PARP8: variants seen among roughly 807,000 people sequenced by gnomAD.
PARP8 encodes poly(ADP-ribose) polymerase family member 8, also known as protein mono-ADP-ribosyltransferase PARP8.
Under a neutral mutation model 124.1 loss-of-function variants are expected in PARP8, and 51 were observed. That is an observed-to-expected ratio of 0.41 (90% CI 0.33 to 0.52). The LOEUF is 0.52. Ranked by LOEUF, PARP8 falls within the 20% of genes least tolerant of loss-of-function variation. The pLI is 0.21. For missense variants in PARP8, 860 were observed against 1,018.9 expected, an observed-to-expected ratio of 0.84 and a Z score of 2.12; for synonymous variants, 391 against 361.5, an observed-to-expected ratio of 1.08 and a Z score of -0.93.
rs1157800872 is a variant in PARP8 at position 50,749,103 on chromosome 5, T to C, written c.147-1048T>C. On this transcript the variant is annotated intron_variant, in intron 2 of 25. Coordinates refer to ENST00000281631, the MANE Select transcript of PARP8 (RefSeq NM_024615.4). ...CATTATGGTGGGCTAATCCCAACAC[T>C]TGGATCTTCTTTTCTCTTGAAAATA... Among the ~76,000 whole-genome samples, 3 of 152,204 alleles carry C rather than the reference T, an allele frequency of 2.0e-5. No homozygotes were observed. In the East Asian group the frequency reaches 5.8e-4, roughly 29 times the overall value.
At chr5:50,788,184 A>ATAATAT (rs1561380473) in intron 9 of PARP8, among the ~76,000 whole-genome samples, 1 of 144,808 alleles carries the variant, frequency 6.9e-6, no homozygotes, top group African/African-American at 2.5e-5. Flanking sequence ...ACATTAATAT[A>ATAATAT]TAATATATTA....
intron 2 of PARP8, among the ~76,000 whole-genome samples, chr5:50,684,722 A>T (rs564823206): frequency 1.1e-4 from 16 of 152,278 alleles, no homozygotes; most frequent in African/African-American, 3.8e-4. Flanking sequence ...TTATACGTGG[A>T]CTTTAAAAAA....
chr5:50,701,138 A>G (rs1230219849), intron 2 of PARP8, among the ~76,000 whole-genome samples: 3 of 152,114 alleles, frequency 2.0e-5, no homozygotes, highest in Admixed American at 6.6e-5. Context: ...TGGAGTCCTT[A>G]ATGAACACAG....
intron 7 of PARP8, among the ~76,000 whole-genome samples, chr5:50,764,078 A>G (rs750127353): frequency 6.6e-6 from 1 of 152,212 alleles, no homozygotes; most frequent in Non-Finnish European, 1.5e-5. Context: ...TCCATGGGTC[A>G]GCTTCTCTCT....
At chr5:50,807,341 A>G (rs1743967541) in intron 14 of PARP8, among the ~76,000 whole-genome samples, 1 of 151,998 alleles carries the variant, frequency 6.6e-6, no homozygotes, top group African/African-American at 2.4e-5. Flanking sequence ...GACACATAAC[A>G]TTTTGCATCT....
intron 2 of PARP8, among the ~76,000 whole-genome samples, chr5:50,729,787 T>A (rs1313739722): frequency 6.6e-6 from 1 of 152,186 alleles, no homozygotes; most frequent in Admixed American, 6.5e-5. Context: ...TCAGTATCCT[T>A]CTTGTCACCT....
chr5:50,812,816 A>G (rs1309369229), intron 14 of PARP8, among the ~76,000 whole-genome samples: 1 of 152,200 alleles, frequency 6.6e-6, no homozygotes, highest in Non-Finnish European at 1.5e-5. Flanking sequence ...AAATATGGCT[A>G]GCCAGTTTTC....
At chr5:50,743,020 AGCTGG>A (rs1260368749) in intron 2 of PARP8, among the ~76,000 whole-genome samples, 1 of 152,150 alleles carries the variant, frequency 6.6e-6, no homozygotes, top group Non-Finnish European at 1.5e-5. Context: ...AAGGAGTGAG[AGCTGG>A]GAAAATTATA....
chr5:50,835,103 G>A, intron 25 of PARP8, 88 bp downstream of exon 25: 3 of 1,030,966 alleles, frequency 2.9e-6, no homozygotes, highest in Non-Finnish European at 3.0e-6. Flanking sequence ...CTCTTTAGCT[G>A]CCAAAATATA....
intron 2 of PARP8, among the ~76,000 whole-genome samples, chr5:50,699,168 A>T (rs1465614511): frequency 3.9e-5 from 6 of 152,102 alleles, no homozygotes; most frequent in Non-Finnish European, 7.3e-5. Context: ...CACCGACTGT[A>T]CCTTTACTAT....
chr5:50,824,073 G>A (rs771120197), intron 17 of PARP8, among the ~76,000 whole-genome samples: 1 of 152,166 alleles, frequency 6.6e-6, no homozygotes, highest in African/African-American at 2.4e-5. Context: ...AAATTGTCAC[G>A]GAGAGATTGC....
At chr5:50,781,650 C>T (rs1252223061) in intron 9 of PARP8, among the ~76,000 whole-genome samples, 2 of 152,186 alleles carry the variant, frequency 1.3e-5, no homozygotes, top group African/African-American at 2.4e-5. Context: ...CCACTTGAGA[C>T]CCTCAGTAGC....
chr5:50,738,380 A>G (rs1386232547), intron 2 of PARP8, among the ~76,000 whole-genome samples: 2 of 152,208 alleles, frequency 1.3e-5, no homozygotes, highest in African/African-American at 2.4e-5. Flanking sequence ...ATGACCTAAA[A>G]TTTATTCTAT....
At chr5:50,778,455 T>G in intron 8 of PARP8, 105 bp from the exon 9 acceptor site, 2 of 894,400 alleles carry the variant, frequency 2.2e-6, no homozygotes, top group South Asian at 1.6e-5. Context: ...TAGGCCTTCA[T>G]GTTATATGCA....
At chr5:50,677,122 C>A (rs2149439981) in intron 2 of PARP8, among the ~76,000 whole-genome samples, 1 of 152,162 alleles carries the variant, frequency 6.6e-6, no homozygotes, top group South Asian at 2.1e-4. Flanking sequence ...TGTGCAAAAT[C>A]TTAACGGAGT....
At chr5:50,749,881 T>C (rs991025805) in intron 2 of PARP8, among the ~76,000 whole-genome samples, 2 of 152,138 alleles carry the variant, frequency 1.3e-5, no homozygotes, top group Non-Finnish European at 2.9e-5. Flanking sequence ...AAAAGACCTG[T>C]CTATACTAAA....
chr5:50,698,329 A>G (rs1293402453), intron 2 of PARP8, among the ~76,000 whole-genome samples: 3 of 152,226 alleles, frequency 2.0e-5, no homozygotes, highest in Non-Finnish European at 2.9e-5. Context: ...TGAAGTGTTC[A>G]TGTTAATCTA....
At chr5:50,733,294 A>T (rs2149521625) in intron 2 of PARP8, among the ~76,000 whole-genome samples, 1 of 152,128 alleles carries the variant, frequency 6.6e-6, no homozygotes, top group Non-Finnish European at 1.5e-5. Flanking sequence ...AAAAAAACAA[A>T]AAAACCAAAA....
chr5:50,710,118 A>AT (rs1293594904), intron 2 of PARP8, among the ~76,000 whole-genome samples: 2 of 151,326 alleles, frequency 1.3e-5, no homozygotes, highest in African/African-American at 4.9e-5. Flanking sequence ...CATATTAATA[A>AT]TTTTTTTCTG....
Sources: allele counts gnomAD v4.1 joint callset (sites outside exome capture counted in the v4.1 genomes callset), GRCh38; gene constraint gnomAD v4.1.1; transcripts MANE v1.5; gene names NCBI Gene and HGNC (gene_info 2026-07-23, HGNC 2026-07-21).